Variants in AXIN1 observed in about 807,000 individuals in gnomAD.
The protein encoded by AXIN1 is axin-1.
AXIN1 carries 30 observed loss-of-function variants against 76.4 expected under a neutral mutation model. That is an observed-to-expected ratio of 0.39 (90% CI 0.29 to 0.53). The LOEUF (loss-of-function observed/expected upper bound fraction) is 0.53, where lower values mean the gene tolerates loss of function less well. Among genes scored for constraint, AXIN1 ranks in the 20% least tolerant of loss-of-function variants. AXIN1 has a pLI of 0.66. For synonymous variants in AXIN1, 545 were observed against 501.4 expected (o/e 1.09, Z -1.16); for missense variants, 1,140 against 1,198.8 (o/e 0.95, Z 0.72).
intron 2 of AXIN1, among the ~76,000 whole-genome samples, chr16:327,459 G>A (rs777988289): frequency 1.3e-5 from 2 of 152,242 alleles, no homozygotes; most frequent in Non-Finnish European, 2.9e-5. Flanking sequence ...GTGGTTCCAC[G>A]CTGCGGCCAG....
chr16:316,701 G>C (rs2053310296), intron 2 of AXIN1, among the ~76,000 whole-genome samples: 1 of 151,886 alleles, frequency 6.6e-6, no homozygotes, highest in Non-Finnish European at 1.5e-5. Flanking sequence ...ATTGCACCCT[G>C]ACAGTCGTCA....
chr16:296,550 G>C (rs1299815783), intron 7 of AXIN1, among the ~76,000 whole-genome samples: 3 of 152,222 alleles, frequency 2.0e-5, no homozygotes, highest in Non-Finnish European at 4.4e-5. Context: ...GGCTGGACCT[G>C]TGGCGCCGGG....
At chr16:292,674 G>C (rs959371024) in intron 8 of AXIN1, 1 of 152,250 alleles carries the variant, frequency 6.6e-6, no homozygotes, top group African/African-American at 2.4e-5. Flanking sequence ...CCCTCAAAGA[G>C]ACACTGATCT....
intron 2 of AXIN1, among the ~76,000 whole-genome samples, chr16:323,792 A>ACC (rs2053517762): frequency 6.6e-6 from 1 of 151,692 alleles, no homozygotes; most frequent in Admixed American, 6.6e-5. Flanking sequence ...ACACACACAC[A>ACC]CACACACACA....
Position 293,508 on chromosome 16 carries a change from G to A in AXIN1, c.2166C>T (p.Ser722=), listed in dbSNP as rs2141484883. Reference sequence around the variant, plus strand: ...CGTACCTCTGCTTGGAGGGTGCTCGGCTGGCTCTCTTTTCTTCCTCCTCCA... The same window carrying A: ...CGTACCTCTGCTTGGAGGGTGCTCGACTGGCTCTCTTTTCTTCCTCCTCCA... ...RRLEEEEKRA[S]RAPSKQRYVQ... Residue 722 remains serine (S), a synonymous_variant, in exon 8 of 11, where the codon AGC becomes AGT. Coordinates refer to ENST00000262320, the MANE Select transcript of AXIN1 (RefSeq NM_003502.4). The surrounding 1 kb of genome is among the most constrained non-coding windows in gnomAD (Gnocchi z 4.6). 6.2e-7 allele frequency: 1 copy of A among 1,609,758 alleles called. No individual in the cohort carries two copies. Among genetic ancestry groups the A allele is most frequent in the Non-Finnish European group, 8.5e-7 (1 of 1,179,948 alleles).
At chr16:341,425 T>C (rs1024857656) in intron 2 of AXIN1, among the ~76,000 whole-genome samples, 1 of 152,088 alleles carries the variant, frequency 6.6e-6, no homozygotes, top group Admixed American at 6.5e-5. Flanking sequence ...CTGCGGAGGG[T>C]GTGCTGGGTC....
At chr16:291,051 G>A (rs969986839) in intron 9 of AXIN1, 139 bp downstream of exon 9, 15 of 792,718 alleles carry the variant, frequency 1.9e-5, no homozygotes, top group African/African-American at 3.4e-5. Flanking sequence ...CTGATGCCAC[G>A]GGACCCTCTC....
chr16:317,233 G>T (rs969364306), intron 2 of AXIN1, among the ~76,000 whole-genome samples: 2 of 152,200 alleles, frequency 1.3e-5, no homozygotes, highest in Non-Finnish European at 2.9e-5. Flanking sequence ...GGAGATGAGC[G>T]AGCACTGCGA....
At chr16:291,106 G>A in intron 9 of AXIN1, 84 bp downstream of exon 9, 1 of 1,332,684 alleles carries the variant, frequency 7.5e-7, no homozygotes, top group Non-Finnish European at 1.1e-6. Context: ...TCAAGCCCCG[G>A]GACGGCGGCT....
At chr16:295,005 A>G (rs1441238120) in intron 7 of AXIN1, among the ~76,000 whole-genome samples, 4 of 146,834 alleles carry the variant, frequency 2.7e-5, no homozygotes, top group South Asian at 4.5e-4. Flanking sequence ...CGAGGCTTGC[A>G]GTGAGCTGAG....
In AXIN1 at chr16:293,785, C is replaced by T; in HGVS notation, c.1956-67G>A. 1.3e-6 allele frequency: 2 copies of T among 1,489,948 alleles called. No individual in the cohort carries two copies. The highest frequency in any genetic ancestry group is 1.9e-6 in the Non-Finnish European group (2 of 1,075,384). The allele number at this position is 1,489,948 out of a possible 1,614,324, so 92.3% of individuals were successfully genotyped here. On this transcript the variant is annotated intron_variant, in intron 7 of 10. Coordinates refer to ENST00000262320, the MANE Select transcript of AXIN1 (RefSeq NM_003502.4). This position sits in a 1 kb window ranked among gnomAD's most constrained non-coding sequence, Gnocchi z 4.6. The stretch of plus-strand genomic sequence containing the variant: ...CTGGCCAGGTGGCCTGGTGGGGCTA[C>T]ACTCATCTCACAAGGGCAGCCTCCT...
chr16:309,913 C>T (rs925239978), intron 4 of AXIN1, 60 bp downstream of exon 4: 4 of 1,554,710 alleles, frequency 2.6e-6, no homozygotes, highest in African/African-American at 1.4e-5. Context: ...CGGACCAGTT[C>T]ACCAGGCCCA....
At chr16:329,599 C>T (rs1217278844) in intron 2 of AXIN1, among the ~76,000 whole-genome samples, 1 of 151,950 alleles carries the variant, frequency 6.6e-6, no homozygotes, top group East Asian at 2.0e-4. Context: ...GCGCACAACA[C>T]CATGCCCGGC....
In AXIN1 at chr16:306,293, T is replaced by C. The variant is rs562877654; in HGVS notation, c.1117-1852A>G. ...TATGGATGGTTAAAAAAACTGACCC[T>C]GATACAATAACATCACGTGGCAGAT... is the stretch of plus-strand genomic sequence containing the variant. On this transcript the variant is annotated intron_variant, in intron 4 of 10. Coordinates refer to ENST00000262320, the MANE Select transcript of AXIN1 (RefSeq NM_003502.4). Among the ~76,000 whole-genome samples, 3 of 152,328 alleles carry C rather than the reference T, an allele frequency of 2.0e-5. No individual in the cohort carries two copies. In the East Asian group the frequency reaches 5.8e-4, roughly 29 times the overall value.
In AXIN1 at chr16:288,096, G is replaced by A. The variant is rs749754083; in HGVS notation, c.*26C>T. The A allele has an allele frequency of 1.4e-5, 23 of 1,612,790 alleles. No homozygotes were observed. The Middle Eastern group carries it at 6.6e-4, about 46-fold the overall frequency. On this transcript the variant is annotated 3_prime_UTR_variant, in exon 11 of 11. Transcript: ENST00000262320. ...CCCGTGCCCGCCAAGGGCCTCGCCT[G>A]GCACAGCGGCCAGCCCACCAGCCTA...
chr16:335,341 A>G (rs911519987), intron 2 of AXIN1, among the ~76,000 whole-genome samples: 4 of 152,084 alleles, frequency 2.6e-5, no homozygotes, highest in African/African-American at 7.2e-5. Flanking sequence ...CTGTACCAGG[A>G]CACACTAATA....
intron 2 of AXIN1, among the ~76,000 whole-genome samples, chr16:327,157 G>C (rs1037019127): frequency 6.6e-6 from 1 of 151,478 alleles, no homozygotes; most frequent in Non-Finnish European, 1.5e-5. Context: ...AAAAAAGATT[G>C]CCAGCACCCC....
At chr16:303,814 A>G (rs1266339866) in intron 5 of AXIN1, among the ~76,000 whole-genome samples, 1 of 152,230 alleles carries the variant, frequency 6.6e-6, no homozygotes, top group Admixed American at 6.5e-5. Flanking sequence ...CCTACAACAC[A>G]AGTGCCTAGA....
chr16:295,055 C>T (rs2052673018), intron 7 of AXIN1, among the ~76,000 whole-genome samples: 1 of 142,710 alleles, frequency 7.0e-6, no homozygotes, highest in South Asian at 2.2e-4. Context: ...CAGAGCAAGA[C>T]TCCGTCTCAA....
Sources: gnomAD v4.1 joint callset for allele counts (sites outside exome capture counted in the v4.1 genomes callset) on GRCh38, gnomAD v4.1.1 for gene constraint, Gnocchi (gnomAD v3.1) non-coding constraint, MANE v1.5 for transcripts, NCBI Gene and HGNC (gene_info 2026-07-23, HGNC 2026-07-21) for gene names.